Variants in MIER2 observed in about 807,000 individuals in gnomAD.
MIER2 encodes the protein mesoderm induction early response protein 2.
Under a neutral mutation model 67.6 loss-of-function variants are expected in MIER2, and 30 were observed. That is an observed-to-expected ratio of 0.44 (90% CI 0.33 to 0.60). The LOEUF is 0.60. MIER2 is among the 20% of genes least tolerant of loss of function. The pLI is 0.02. For missense variants in MIER2, 702 were observed against 745.1 expected, an observed-to-expected ratio of 0.94 and a Z score of 0.67; for synonymous variants, 372 against 312.6, an observed-to-expected ratio of 1.19 and a Z score of -2.00.
At chr19:320,758 T>C (rs560332478) in intron 7 of MIER2, among the ~76,000 whole-genome samples, 22 of 152,274 alleles carry the variant, frequency 1.4e-4, no homozygotes, top group Admixed American at 8.5e-4. Context: ...CGTGGAAAAA[T>C]TGTCTTCCAC....
intron 10 of MIER2, 101 bp from the exon 11 acceptor site, chr19:309,026 G>A (rs574699743): frequency 1.3e-6 from 2 of 1,489,294 alleles, no homozygotes; most frequent in Admixed American, 1.9e-5. Flanking sequence ...CAGCACAGAA[G>A]GAGCACAGCA....
chr19:320,718 T>C (rs1971465648), intron 7 of MIER2, among the ~76,000 whole-genome samples: 1 of 152,202 alleles, frequency 6.6e-6, no homozygotes. Flanking sequence ...AACGGTTTCC[T>C]CCTGAAACCA....
In MIER2 at chr19:326,089, C is replaced by T. The variant is rs116499334; in HGVS notation, c.586-385G>A. ...AACCCAGGGAGAGGGCTCAGCAGGA[C>T]CCGGCTGCGGTTACTGAGGCCGAGA... On this transcript the variant is annotated intron_variant, in intron 6 of 13. Coordinates refer to ENST00000264819, the MANE Select transcript of MIER2 (RefSeq NM_017550.3). Among the ~76,000 whole-genome samples the T allele has an allele frequency of 2.5e-3, 387 of 152,348 alleles. 1 individual carries two copies. The highest frequency in any genetic ancestry group is 8.5e-3 in the African/African-American group (354 of 41,586).
chr19:341,991 T>A (rs1025381302), intron 1 of MIER2, among the ~76,000 whole-genome samples: 1 of 151,860 alleles, frequency 6.6e-6, no homozygotes, highest in East Asian at 1.9e-4. Context: ...CTGCAAAGCT[T>A]AACCCAAAAT....
rs189590856 is a variant in MIER2 at position 329,602 on chromosome 19, T to C, written c.244-1613A>G. Among the ~76,000 whole-genome samples, 256 of 152,260 alleles carry C rather than the reference T, an allele frequency of 1.7e-3. 1 individual carries two copies. Among genetic ancestry groups the C allele is most frequent in the African/African-American group, 5.8e-3 (239 of 41,552 alleles). ...ACCCCAGCTTCACTTCAGAAGATGCTGGACAGCCGGGCAGGATGGCTCATG... is the reference window on the plus strand; with the variant it reads ...ACCCCAGCTTCACTTCAGAAGATGCCGGACAGCCGGGCAGGATGGCTCATG... On this transcript the variant is annotated intron_variant, in intron 3 of 13. Coordinates refer to ENST00000264819, the MANE Select transcript of MIER2 (RefSeq NM_017550.3).
chr19:312,107 G>A (rs147239603), intron 9 of MIER2, 84 bp downstream of exon 9: 17,618 of 1,066,768 alleles, frequency 0.017, 134 homozygotes, highest in African/African-American at 0.05. Flanking sequence ...GGGCCGCAGC[G>A]GAAGGAAGGC....
intron 3 of MIER2, among the ~76,000 whole-genome samples, chr19:329,141 A>T (rs1185651925): frequency 6.6e-6 from 1 of 152,096 alleles, no homozygotes; most frequent in African/African-American, 2.4e-5. Flanking sequence ...TCAAGATGTT[A>T]GCACTGGCCT....
intron 1 of MIER2, among the ~76,000 whole-genome samples, chr19:343,099 C>G (rs1341973497): frequency 6.6e-6 from 1 of 152,152 alleles, no homozygotes; most frequent in Non-Finnish European, 1.5e-5. Flanking sequence ...CTTAGAAAAT[C>G]AAATCAAATT....
Position 343,733 on chromosome 19 carries a change from T to C in MIER2, c.9+1041A>G, listed in dbSNP as rs533199407. 4.4e-5 allele frequency: 28 copies of C among 638,218 alleles called. No homozygotes were observed. In the East Asian group the frequency reaches 8.4e-4, roughly 19 times the overall value. 39.5% of individuals were successfully genotyped at this position (638,218 alleles called of 1,614,324 possible). ...ATCAGCTCTTGAGTCTGCCCGCCTG[T>C]CGTAACTTCTGCGCACAGAAGTCAT... On this transcript the variant is annotated intron_variant, in intron 1 of 13. Transcript: ENST00000264819.
At position 313,553 on chromosome 19, in the gene MIER2, C is replaced by T. The variant is rs776173360; in HGVS notation, c.746G>A (p.Arg249His). Residue 249 changes from arginine to histidine, a missense_variant, in exon 8 of 14, where the codon CGT becomes CAT. Physicochemically the swap from Arg to His is conservative, Grantham distance 29. Coordinates refer to ENST00000264819, the MANE Select transcript of MIER2 (RefSeq NM_017550.3). ...EEFLYRAVKRRWHEMAGPQLP... is the reference protein window; with the variant it reads ...EEFLYRAVKRHWHEMAGPQLP... ...CTGAGGCCCGGCCATCTCGTGCCAA[C>T]GCCGCTTCACCGCCCTGTACAGGAA... The T allele has an allele frequency of 8.0e-5, 129 of 1,613,184 alleles. No homozygotes were observed. Among genetic ancestry groups the T allele is most frequent in the Middle Eastern group, 3.3e-4 (2 of 6,080 alleles).
At chr19:319,898 C>T (rs2145422430) in intron 7 of MIER2, among the ~76,000 whole-genome samples, 2 of 152,288 alleles carry the variant, frequency 1.3e-5, no homozygotes, top group South Asian at 4.1e-4. Flanking sequence ...CCTCCATGAA[C>T]ATACATGCAA....
chr19:318,937 G>A (rs1600133587), intron 7 of MIER2, among the ~76,000 whole-genome samples: 1 of 151,796 alleles, frequency 6.6e-6, no homozygotes, highest in African/African-American at 2.4e-5. Context: ...GGCGCCTATA[G>A]TCCCAGCTAC....
intron 7 of MIER2, among the ~76,000 whole-genome samples, chr19:317,830 T>G (rs996685901): frequency 6.6e-6 from 1 of 151,914 alleles, no homozygotes; most frequent in African/African-American, 2.4e-5. Flanking sequence ...GTTTTATAAT[T>G]ACATGACATA....
chr19:306,741 A>G (rs1970669599), intron 13 of MIER2, 30 bp from the exon 14 acceptor site: 1 of 1,556,350 alleles, frequency 6.4e-7, no homozygotes, highest in Non-Finnish European at 8.7e-7. Flanking sequence ...AGAGACGCAG[A>G]GAGTGTCAGT....
intron 1 of MIER2, chr19:344,524 G>T: frequency 2.8e-6 from 1 of 362,752 alleles, no homozygotes; most frequent in Non-Finnish European, 3.8e-6. Flanking sequence ...CCCGCCCCGC[G>T]CCGCCGCGCA....
In MIER2 at chr19:335,545, ACAC is replaced by A. The variant is rs1972205451; in HGVS notation, c.100+535_100+537del. 2.0e-5 allele frequency among the ~76,000 whole-genome samples: 3 copies of A among 152,296 alleles called. No homozygotes were observed. In the South Asian group the frequency reaches 6.2e-4, roughly 32 times the overall value. The stretch of plus-strand genomic sequence containing the variant: ...TTGATACGGAAAGAGACGCAGCCCT[ACAC>A]CTGGCAGAAGGAGCCCAGCCAGGGG... On this transcript the variant is annotated intron_variant, in intron 2 of 13. Coordinates refer to ENST00000264819, the MANE Select transcript of MIER2 (RefSeq NM_017550.3).
At chr19:310,729 A>G (rs923177391) in intron 10 of MIER2, among the ~76,000 whole-genome samples, 29 of 133,384 alleles carry the variant, frequency 2.2e-4, no homozygotes, top group Non-Finnish European at 4.3e-4. Flanking sequence ...CATGGCCCGG[A>G]GCTGTAGAAA....
chr19:327,819 C>T (rs1555691706), intron 4 of MIER2, 45 bp downstream of exon 4: 1 of 1,606,462 alleles, frequency 6.2e-7, no homozygotes, highest in African/African-American at 1.3e-5. Context: ...GCCAGGCCCC[C>T]CCACCTTCAG....
intron 9 of MIER2, 83 bp from the exon 10 acceptor site, chr19:312,022 T>C (rs1032155375): frequency 1.2e-5 from 13 of 1,097,850 alleles, no homozygotes; most frequent in Non-Finnish European, 1.6e-5. Context: ...GGGAGAACAG[T>C]CAGCGGCGCC....
Sources: gnomAD v4.1 joint callset for allele counts (sites outside exome capture counted in the v4.1 genomes callset) on GRCh38, gnomAD v4.1.1 for gene constraint, MANE v1.5 for transcripts, NCBI Gene and HGNC (gene_info 2026-07-23, HGNC 2026-07-21) for gene names.